Variants in SLCO1B1 observed in about 807,000 individuals in gnomAD.
The protein encoded by SLCO1B1 is solute carrier organic anion transporter family member 1B1.
A neutral mutation model predicts 70.1 loss-of-function variants in SLCO1B1; 81 were observed. The observed-to-expected ratio is 1.16, with a 90% confidence interval of 0.97 to 1.39. The LOEUF is 1.39. Ranked by LOEUF, SLCO1B1 falls within the 40% of genes most tolerant of loss-of-function variation. The pLI, the probability that SLCO1B1 is intolerant of heterozygous loss-of-function variation, is 0.00. For missense variants in SLCO1B1, 895 were observed against 799.6 expected (o/e 1.12, Z -1.44); for synonymous variants, 283 against 271.5 (o/e 1.04, Z -0.42).
intron 2 of SLCO1B1, among the ~76,000 whole-genome samples, chr12:21,164,524 A>T (rs1242531830): frequency 6.6e-6 from 1 of 151,884 alleles, no homozygotes; most frequent in Admixed American, 6.6e-5. Context: ...CTTTTTCCTA[A>T]GTTCTTCTTC....
intron 11 of SLCO1B1, among the ~76,000 whole-genome samples, chr12:21,206,567 T>A (rs1941217515): frequency 6.6e-6 from 1 of 151,912 alleles, no homozygotes; most frequent in South Asian, 2.1e-4. Context: ...ATTCTTGATT[T>A]TCTATTTTGA....
intron 9 of SLCO1B1, 71 bp from the exon 10 acceptor site, chr12:21,202,420 A>G (rs765610107): frequency 1.2e-4 from 120 of 966,792 alleles, no homozygotes; most frequent in Non-Finnish European, 1.7e-4. Flanking sequence ...ATTGACATAC[A>G]TTGTGTTTCA....
At chr12:21,229,920 G>A (rs1393329009) in intron 14 of SLCO1B1, among the ~76,000 whole-genome samples, 6 of 152,114 alleles carry the variant, frequency 3.9e-5, no homozygotes, top group Non-Finnish European at 8.8e-5. Context: ...GTGGTGAGAG[G>A]GGACGTTTTT....
intron 13 of SLCO1B1, 50 bp from the exon 14 acceptor site, chr12:21,224,672 A>G (rs377537396): frequency 1.8e-5 from 19 of 1,063,074 alleles, no homozygotes; most frequent in Non-Finnish European, 8.8e-6. Flanking sequence ...TCATGCAGTT[A>G]CATTTAAAAT....
At chr12:21,192,214 A>G (rs983231831) in intron 7 of SLCO1B1, among the ~76,000 whole-genome samples, 6 of 151,828 alleles carry the variant, frequency 4.0e-5, no homozygotes, top group Non-Finnish European at 5.9e-5. Context: ...GCTATTTAGT[A>G]ACACGCACCA....
chr12:21,200,154 C>T (rs1231244132), intron 8 of SLCO1B1, among the ~76,000 whole-genome samples: 2 of 152,044 alleles, frequency 1.3e-5, no homozygotes, highest in African/African-American at 4.8e-5. Flanking sequence ...AGTTGAAAAC[C>T]TAACATTTGC....
chr12:21,134,789 T>C (rs955294303), intron 1 of SLCO1B1, among the ~76,000 whole-genome samples: 1 of 152,218 alleles, frequency 6.6e-6, no homozygotes, highest in Non-Finnish European at 1.5e-5. Flanking sequence ...AACCAGCTCC[T>C]GGATTCATTA....
intron 12 of SLCO1B1, among the ~76,000 whole-genome samples, chr12:21,220,536 T>A (rs1046891619): frequency 1.3e-5 from 2 of 152,120 alleles, no homozygotes; most frequent in Admixed American, 6.6e-5. Context: ...TTCTAGGGAC[T>A]GAGTACAGAT....
At chr12:21,146,297 C>T (rs1262268838) in intron 2 of SLCO1B1, among the ~76,000 whole-genome samples, 2 of 151,918 alleles carry the variant, frequency 1.3e-5, no homozygotes, top group African/African-American at 4.8e-5. Flanking sequence ...AGTTATGTCC[C>T]CGCCTTTATT....
chr12:21,168,062 C>T (rs1210006325), intron 2 of SLCO1B1, among the ~76,000 whole-genome samples: 2 of 151,570 alleles, frequency 1.3e-5, no homozygotes, highest in Admixed American at 1.3e-4. Context: ...ACCTCGTGAT[C>T]CGCCCACCTT....
chr12:21,221,121 G>A (rs147854829), intron 12 of SLCO1B1, among the ~76,000 whole-genome samples: 1 of 152,004 alleles, frequency 6.6e-6, no homozygotes, highest in African/African-American at 2.4e-5. Context: ...CATCTTTCAT[G>A]ACAAAAATCC....
intron 2 of SLCO1B1, among the ~76,000 whole-genome samples, chr12:21,148,898 T>C (rs1030942502): frequency 2.0e-5 from 3 of 152,166 alleles, no homozygotes; most frequent in Non-Finnish European, 4.4e-5. Flanking sequence ...TCTTATTTCA[T>C]TGAGCAGTGG....
chr12:21,184,479 A>G (rs1387070438), intron 7 of SLCO1B1, among the ~76,000 whole-genome samples: 1 of 152,192 alleles, frequency 6.6e-6, no homozygotes, highest in African/African-American at 2.4e-5. Context: ...CTTAAAGAAA[A>G]GAAATTTCAA....
chr12:21,191,273 A>G (rs1035786998), intron 7 of SLCO1B1, among the ~76,000 whole-genome samples: 1 of 152,188 alleles, frequency 6.6e-6, no homozygotes, highest in South Asian at 2.1e-4. Flanking sequence ...TTAACACAGA[A>G]TGTCTTTCTA....
At chr12:21,167,590 C>T (rs1940702077) in intron 2 of SLCO1B1, among the ~76,000 whole-genome samples, 3 of 152,070 alleles carry the variant, frequency 2.0e-5, no homozygotes. Flanking sequence ...TGGTAAAAAA[C>T]ACATAACATT....
At chr12:21,206,431 T>C (rs1379290969) in intron 11 of SLCO1B1, among the ~76,000 whole-genome samples, 1 of 151,962 alleles carries the variant, frequency 6.6e-6, no homozygotes, top group Non-Finnish European at 1.5e-5. Flanking sequence ...CAGCACTTCC[T>C]ATCTTACTAA....
chr12:21,213,104 T>A lies in SLCO1B1; in HGVS notation c.1498-4015T>A, dbSNP rs61926217. Among the ~76,000 whole-genome samples, 547 of 152,076 alleles carry A rather than the reference T, an allele frequency of 3.6e-3. 2 individuals carry two copies. Among genetic ancestry groups the A allele is most frequent in the Admixed American group, 6.0e-3 (91 of 15,282 alleles). ...TGTTATGTGTGAATTTGATCCTGTC[T>A]TTATGATGTTAGCTGGTTATTTTGC... On this transcript the variant is annotated intron_variant, in intron 11 of 14. Coordinates refer to ENST00000256958, the MANE Select transcript of SLCO1B1 (RefSeq NM_006446.5).
At chr12:21,152,533 C>CTTTTTTTGTTTTTTTTTTTTTTTT (rs1940485401) in intron 2 of SLCO1B1, among the ~76,000 whole-genome samples, 2 of 34,354 alleles carry the variant, frequency 5.8e-5, no homozygotes, top group Non-Finnish European at 1.0e-4. Context: ...AGAGGAGAGG[C>CTTTTTTTGTTTTTTTTTTTTTTTT]TTTTTTTTTT....
chr12:21,202,676 A>G lies in SLCO1B1; in HGVS notation c.1321A>G (p.Thr441Ala), dbSNP rs765367148. 7 of 1,610,846 alleles carry G rather than the reference A, an allele frequency of 4.3e-6. No homozygotes were observed. Among genetic ancestry groups the G allele is most frequent in the Non-Finnish European group, 5.9e-6 (7 of 1,178,194 alleles). Residue 441 changes from threonine (T) to alanine (A), a missense_variant, in exon 10 of 15, where the codon ACC (threonine) becomes GCC (alanine). Transcript: ENST00000256958. ...CAAATCAGTTGCCGGACTAACCATG[A>G]CCTATGATGGGTTTGTATATATCAC... The part of the protein sequence containing the change: ...ENKSVAGLTM[T>A]YDGNNPVTSH...
Sources: allele counts gnomAD v4.1 joint callset (sites outside exome capture counted in the v4.1 genomes callset), GRCh38; gene constraint gnomAD v4.1.1; transcripts MANE v1.5; gene names NCBI Gene and HGNC (gene_info 2026-07-23, HGNC 2026-07-21).